Variants in CWC27 observed in about 807,000 individuals in gnomAD.
CWC27 encodes the protein spliceosome-associated protein CWC27 homolog.
In CWC27, 47 loss-of-function variants were observed where a neutral mutation model predicts 63.6. The observed-to-expected ratio is 0.74, with a 90% CI of 0.58 to 0.94. The LOEUF is 0.94. Ranked by LOEUF, CWC27 falls within the 40% of genes least tolerant of loss-of-function variation. The pLI is 0.00. For missense variants in CWC27, 495 were observed against 554.3 expected, an observed-to-expected ratio of 0.89 and a Z score of 1.07; for synonymous variants, 175 against 179.8, an observed-to-expected ratio of 0.97 and a Z score of 0.22.
intron 11 of CWC27, among the ~76,000 whole-genome samples, chr5:64,963,333 T>C (rs1296915805): frequency 6.6e-6 from 1 of 152,108 alleles, no homozygotes; most frequent in African/African-American, 2.4e-5. Context: ...GTAGGTGATT[T>C]GTAAAAGAGC....
intron 13 of CWC27, among the ~76,000 whole-genome samples, chr5:65,009,800 A>C (rs1384950682): frequency 1.3e-5 from 2 of 152,208 alleles, no homozygotes; most frequent in African/African-American, 4.8e-5. Flanking sequence ...ATAAATTGCT[A>C]TTGTTTAAGC....
intron 10 of CWC27, among the ~76,000 whole-genome samples, chr5:64,838,333 C>T (rs1745712348): frequency 6.6e-6 from 1 of 152,222 alleles, no homozygotes; most frequent in East Asian, 1.9e-4. Context: ...AATTTCTCTT[C>T]ATCACAAAGG....
At chr5:64,979,546 C>T (rs1170835447) in intron 13 of CWC27, among the ~76,000 whole-genome samples, 1 of 152,182 alleles carries the variant, frequency 6.6e-6, no homozygotes, top group African/African-American at 2.4e-5. Context: ...GATCCTCTCT[C>T]ATAAAGTATA....
chr5:64,875,117 T>A (rs1746765955), intron 10 of CWC27, among the ~76,000 whole-genome samples: 1 of 152,108 alleles, frequency 6.6e-6, no homozygotes, highest in South Asian at 2.1e-4. Context: ...TATGATTTTG[T>A]TTAAGATACA....
intron 11 of CWC27, among the ~76,000 whole-genome samples, chr5:64,899,824 C>T (rs2112362056): frequency 6.6e-6 from 1 of 152,304 alleles, no homozygotes; most frequent in East Asian, 1.9e-4. Flanking sequence ...CCCTTGTTAA[C>T]CCCCTCTCTG....
chr5:64,917,909 C>T (rs878909300), intron 11 of CWC27, among the ~76,000 whole-genome samples: 4 of 151,854 alleles, frequency 2.6e-5, no homozygotes, highest in Admixed American at 2.6e-4. Flanking sequence ...CTCCATTAAC[C>T]TCTTTTATAT....
intron 11 of CWC27, among the ~76,000 whole-genome samples, chr5:64,897,395 C>T: frequency 6.6e-6 from 1 of 152,152 alleles, no homozygotes; most frequent in East Asian, 1.9e-4. Context: ...CCATGGAATA[C>T]TATGCAGCTA....
chr5:64,836,801 T>C, intron 10 of CWC27, among the ~76,000 whole-genome samples: 1 of 152,144 alleles, frequency 6.6e-6, no homozygotes, highest in East Asian at 1.9e-4. Context: ...AAAGCCTTGG[T>C]TACTTTTCAG....
chr5:65,001,861 A>G (rs371516064), intron 13 of CWC27, among the ~76,000 whole-genome samples: 1 of 144,548 alleles, frequency 6.9e-6, no homozygotes, highest in Admixed American at 6.9e-5. Flanking sequence ...GAATTCTTTT[A>G]TCTTCAATTT....
At chr5:64,874,109 A>G (rs1446567503) in intron 10 of CWC27, among the ~76,000 whole-genome samples, 1 of 146,820 alleles carries the variant, frequency 6.8e-6, no homozygotes, top group Non-Finnish European at 1.5e-5. Flanking sequence ...TCTGTATTCA[A>G]GTTCTGAGAT....
At chr5:64,984,506 C>G (rs184829244) in intron 13 of CWC27, among the ~76,000 whole-genome samples, 2 of 152,290 alleles carry the variant, frequency 1.3e-5, no homozygotes, top group Admixed American at 1.3e-4. Context: ...TAATTAACTT[C>G]TTTAAATGTC....
rs181926054 is a variant in CWC27, at chr5:65,010,444, A to T, written c.1257-7715A>T. Among the ~76,000 whole-genome samples the T allele has an allele frequency of 1.6e-4, 25 of 152,342 alleles. No individual in the cohort carries two copies. In the East Asian group the frequency reaches 3.5e-3, roughly 21 times the overall value. On this transcript the variant is annotated intron_variant, in intron 13 of 13. Coordinates refer to ENST00000381070, the MANE Select transcript of CWC27 (RefSeq NM_005869.4). The stretch of plus-strand genomic sequence containing the variant: ...CCTACCCCTAAAAAACTTAAATCAG[A>T]TTCATTAAAGTTTGTAATCCACAGT...
chr5:64,790,926 A>T (rs894350323), intron 7 of CWC27, among the ~76,000 whole-genome samples: 5 of 152,156 alleles, frequency 3.3e-5, no homozygotes, highest in African/African-American at 1.2e-4. Flanking sequence ...GAGGTGGTAG[A>T]ATCAGAATTT....
intron 11 of CWC27, among the ~76,000 whole-genome samples, chr5:64,958,368 A>G (rs1748841003): frequency 6.6e-6 from 1 of 152,198 alleles, no homozygotes; most frequent in African/African-American, 2.4e-5. Flanking sequence ...CTCCCAGTTT[A>G]GCACAATCAT....
intron 11 of CWC27, among the ~76,000 whole-genome samples, chr5:64,919,445 A>G (rs1241628607): frequency 6.6e-6 from 1 of 152,138 alleles, no homozygotes; most frequent in African/African-American, 2.4e-5. Flanking sequence ...TGTACACATG[A>G]TCCCATCCCA....
intron 10 of CWC27, among the ~76,000 whole-genome samples, chr5:64,810,349 T>G (rs1486256578): frequency 1.3e-5 from 2 of 152,154 alleles, no homozygotes; most frequent in Non-Finnish European, 2.9e-5. Context: ...ACTTTGTTCT[T>G]TTTGGTCAAG....
At chr5:64,933,236 T>C (rs897013168) in intron 11 of CWC27, among the ~76,000 whole-genome samples, 4 of 152,222 alleles carry the variant, frequency 2.6e-5, no homozygotes, top group African/African-American at 9.6e-5. Flanking sequence ...TAGGGTCTTA[T>C]AAATTAGCTG....
intron 10 of CWC27, among the ~76,000 whole-genome samples, chr5:64,851,917 A>C (rs1297004552): frequency 4.6e-5 from 7 of 152,108 alleles, no homozygotes; most frequent in Non-Finnish European, 1.0e-4. Context: ...TTGTCTTTTA[A>C]AGGTGAGAAT....
intron 10 of CWC27, among the ~76,000 whole-genome samples, chr5:64,839,517 A>G (rs888784599): frequency 1.3e-5 from 2 of 152,176 alleles, no homozygotes; most frequent in African/African-American, 4.8e-5. Context: ...AGCAGGTAGG[A>G]AGTAATTTAT....
Sources: allele counts gnomAD v4.1 joint callset (sites outside exome capture counted in the v4.1 genomes callset), GRCh38; gene constraint gnomAD v4.1.1; transcripts MANE v1.5; gene names NCBI Gene and HGNC (gene_info 2026-07-23, HGNC 2026-07-21).